COL6A6: variants seen among roughly 807,000 people sequenced by gnomAD.
COL6A6 encodes collagen alpha-6(VI) chain.
In COL6A6, 183 loss-of-function variants were observed where a neutral mutation model predicts 208.6. The observed-to-expected ratio is 0.88, with a 90% CI of 0.78 to 0.99. The LOEUF (loss-of-function observed/expected upper bound fraction) is 0.99. Ranked by LOEUF, COL6A6 falls within the 50% of genes least tolerant of loss-of-function variation. The pLI is 0.00. For missense variants in COL6A6, 2,816 were observed against 2,815.2 expected (o/e 1.00, Z -0.01); for synonymous variants, 973 against 1,011.8 (o/e 0.96, Z 0.73).
chr3:130,610,715 T>G lies in COL6A6; in HGVS notation c.4815+4T>G. The G allele has an allele frequency of 6.4e-7, 1 of 1,573,110 alleles. No homozygotes were observed. The highest frequency in any genetic ancestry group is 8.6e-7 in the Non-Finnish European group (1 of 1,156,874). ...TGTGGGAAGTAAAGGTCCCCAGGTATGTAATGAGAAAAATGATTGCATCTG... is the reference window on the plus strand; with the variant it reads ...TGTGGGAAGTAAAGGTCCCCAGGTAGGTAATGAGAAAAATGATTGCATCTG... On this transcript the variant is annotated splice_donor_region_variant and intron_variant, in intron 23 of 36. Transcript: ENST00000358511.
chr3:130,594,463 T>C, intron 18 of COL6A6, 120 bp downstream of exon 18: 2 of 722,232 alleles, frequency 2.8e-6, no homozygotes, highest in South Asian at 1.9e-5. Flanking sequence ...ACAGGCATGA[T>C]TGTAACATTT....
At position 130,661,650 on chromosome 3, in the gene COL6A6, A is replaced by T; in HGVS notation, c.5844A>T (p.Pro1948=). The change falls in exon 35 of 37, where the codon CCA becomes CCT. Residue 1948 remains proline (P), a synonymous_variant. Transcript: ENST00000358511. ...TTTGGTTCACAGATGTGTGCAAGCCAGATGCTTCTTGTGACCAAGCCAGAC... is the reference window on the plus strand; with the variant it reads ...TTTGGTTCACAGATGTGTGCAAGCCTGATGCTTCTTGTGACCAAGCCAGAC... ...RCTFCYDVCK[P]DASCDQARPP... 2 of 1,612,548 alleles carry T rather than the reference A, an allele frequency of 1.2e-6. No individual in the cohort carries two copies. Among genetic ancestry groups the T allele is most frequent in the African/African-American group, 1.3e-5 (1 of 75,004 alleles).
At chr3:130,606,786 T>C in intron 20 of COL6A6, 145 bp from the exon 21 acceptor site, 2 of 539,830 alleles carry the variant, frequency 3.7e-6, no homozygotes, top group Non-Finnish European at 6.5e-6. Context: ...TTTGCTTTCA[T>C]GGTACAGTGG....
At chr3:130,579,377 C>T (rs974138689) in intron 8 of COL6A6, among the ~76,000 whole-genome samples, 3 of 152,056 alleles carry the variant, frequency 2.0e-5, no homozygotes, top group African/African-American at 4.8e-5. Context: ...AAAATTAATG[C>T]CCAGAGAGGA....
intron 1 of COL6A6, among the ~76,000 whole-genome samples, chr3:130,556,208 C>T (rs2062764610): frequency 1.3e-5 from 2 of 152,186 alleles, no homozygotes; most frequent in Admixed American, 6.5e-5. Context: ...CTGCAAAAGG[C>T]ATGATTTTTA....
chr3:130,594,944 C>T, intron 18 of COL6A6, among the ~76,000 whole-genome samples: 1 of 152,134 alleles, frequency 6.6e-6, no homozygotes, highest in East Asian at 1.9e-4. Context: ...GGAAACCACC[C>T]CCATGATTCA....
chr3:130,609,408 T>G (rs1196038189), intron 22 of COL6A6, among the ~76,000 whole-genome samples: 1 of 152,188 alleles, frequency 6.6e-6, no homozygotes. Flanking sequence ...TTATCTGCAG[T>G]GCAGCACTCA....
intron 2 of COL6A6, among the ~76,000 whole-genome samples, chr3:130,560,865 A>G (rs373040610): frequency 6.6e-5 from 10 of 152,372 alleles, no homozygotes; most frequent in African/African-American, 2.4e-4. Context: ...AGAAAGCTTC[A>G]TAGCACTGCC....
chr3:130,534,179 T>A (rs2062171309), intron 1 of COL6A6, among the ~76,000 whole-genome samples: 1 of 151,966 alleles, frequency 6.6e-6, no homozygotes, highest in Admixed American at 6.5e-5. Flanking sequence ...CCTTGTCAAC[T>A]TTTGGTATTG....
Position 130,641,642 on chromosome 3 carries a change from C to T in COL6A6, c.5092-10C>T. ...TATAAATACAATTTTAAAATAAATT[C>T]TCCTTTGAGATATCTGCTGGGCTTC... On this transcript the variant is annotated splice_polypyrimidine_tract_variant and intron_variant, in intron 28 of 36. Transcript: ENST00000358511. 1 of 1,516,118 alleles carries T rather than the reference C, an allele frequency of 6.6e-7. No homozygotes were observed. The highest frequency in any genetic ancestry group is 1.7e-5 in the Admixed American group (1 of 58,208). 93.9% of individuals were successfully genotyped at this position (1,516,118 alleles called of 1,614,324 possible). A position where few individuals can be genotyped will look rare whatever the true frequency, so the allele number is the denominator to read the frequency against.
intron 1 of COL6A6, among the ~76,000 whole-genome samples, chr3:130,547,145 G>T (rs958754770): frequency 6.6e-6 from 1 of 152,264 alleles, no homozygotes; most frequent in African/African-American, 2.4e-5. Flanking sequence ...TTTGGGCCAC[G>T]AGGCAGCCGA....
At chr3:130,649,954 A>G (rs1467906608) in intron 33 of COL6A6, among the ~76,000 whole-genome samples, 2 of 152,198 alleles carry the variant, frequency 1.3e-5, no homozygotes, top group Non-Finnish European at 2.9e-5. Flanking sequence ...AAGATACTGA[A>G]TCAGGAGGCC....
intron 1 of COL6A6, among the ~76,000 whole-genome samples, chr3:130,545,697 T>G (rs141631729): frequency 0.012 from 1,835 of 152,318 alleles, 34 homozygotes; most frequent in African/African-American, 0.041. Context: ...CCTCAGGTGA[T>G]CCACCAGCCT....
At chr3:130,640,919 C>T (rs1559778399) in intron 28 of COL6A6, among the ~76,000 whole-genome samples, 1 of 152,082 alleles carries the variant, frequency 6.6e-6, no homozygotes, top group African/African-American at 2.4e-5. Context: ...AAAAAGTTTT[C>T]CTTTGACCAG....
chr3:130,664,855 A>C (rs554099364), intron 35 of COL6A6, 148 bp from the exon 36 acceptor site: 1 of 591,882 alleles, frequency 1.7e-6, no homozygotes, highest in African/African-American at 2.0e-5. Context: ...TCCCCTGAGA[A>C]ATCTGCTTTC....
rs995600884 is a variant in COL6A6 at position 130,566,721 on chromosome 3, A to G, written c.1302A>G (p.Glu434=). The G allele has an allele frequency of 1.9e-6, 3 of 1,608,412 alleles. No homozygotes were observed. Among genetic ancestry groups the G allele is most frequent in the African/African-American group, 2.7e-5 (2 of 74,688 alleles). The change falls in exon 5 of 37, where the codon GAA becomes GAG. Residue 434 remains glutamate, a synonymous_variant. Coordinates refer to ENST00000358511, the MANE Select transcript of COL6A6 (RefSeq NM_001102608.3). ...TTTTAGGTTGTGTGGACACTGAGGAAGCAGACATCTATCTGCTTATCGATG... is the reference window on the plus strand; with the variant it reads ...TTTTAGGTTGTGTGGACACTGAGGAGGCAGACATCTATCTGCTTATCGATG... The part of the protein sequence containing the change: ...TLKSGCVDTE[E]ADIYLLIDGS...
chr3:130,604,417 C>T (rs1414111891), intron 20 of COL6A6, among the ~76,000 whole-genome samples: 1 of 151,936 alleles, frequency 6.6e-6, no homozygotes, highest in African/African-American at 2.4e-5. Flanking sequence ...ATGGCGTGAA[C>T]CCGGGAAGCG....
chr3:130,662,125 C>A lies in COL6A6; in HGVS notation c.6319C>A (p.Arg2107=), dbSNP rs754970794. 3 of 1,613,968 alleles carry A rather than the reference C, an allele frequency of 1.9e-6. No homozygotes were observed. The Admixed American group carries it at 5.0e-5, about 27-fold the overall frequency. Residue 2107 remains arginine (R), a synonymous_variant, in exon 35 of 37, where the codon CGA becomes AGA. Transcript: ENST00000358511. ...DGEILKKESL[R]AKCQGYALFV... Reference sequence around the variant, plus strand: ...GGAAATCTTAAAGAAGGAATCCTTGCGAGCCAAATGTCAGGGATATGCCTT... The same window carrying A: ...GGAAATCTTAAAGAAGGAATCCTTGAGAGCCAAATGTCAGGGATATGCCTT...
At chr3:130,594,533 A>T (rs72994336) in intron 18 of COL6A6, 190 bp downstream of exon 18, 22 of 447,650 alleles carry the variant, frequency 4.9e-5, no homozygotes, top group African/African-American at 4.5e-4. Flanking sequence ...AGCAGTAAAA[A>T]GCCCTTACAT....
Sources: gnomAD v4.1 joint callset for allele counts (sites outside exome capture counted in the v4.1 genomes callset) on GRCh38, gnomAD v4.1.1 for gene constraint, MANE v1.5 for transcripts, NCBI Gene and HGNC (gene_info 2026-07-23, HGNC 2026-07-21) for gene names.